Variants in DGKB observed in about 807,000 individuals in gnomAD.
DGKB encodes 90 kDa diacylglycerol kinase.
DGKB carries 67 observed loss-of-function variants against 114.3 expected under a neutral mutation model. The ratio of observed to expected loss-of-function variants is 0.59; its 90% CI spans 0.48 to 0.72. The LOEUF (loss-of-function observed/expected upper bound fraction) is 0.72. Among genes scored for constraint, DGKB ranks in the 30% least tolerant of loss-of-function variants. The pLI, the probability that DGKB is intolerant of heterozygous loss-of-function variation, is 0.00. For missense variants in DGKB, 907 were observed against 975.2 expected, an observed-to-expected ratio of 0.93 and a Z score of 0.93; for synonymous variants, 398 against 323.1, an observed-to-expected ratio of 1.23 and a Z score of -2.49.
intron 2 of DGKB, among the ~76,000 whole-genome samples, chr7:14,811,070 C>G (rs1462954652): frequency 6.6e-6 from 1 of 152,088 alleles, no homozygotes; most frequent in Non-Finnish European, 1.5e-5. Context: ...AGCAGAGCAC[C>G]ATGAGCTTGA....
At chr7:14,581,923 T>C (rs1424832141) in intron 18 of DGKB, among the ~76,000 whole-genome samples, 2 of 152,240 alleles carry the variant, frequency 1.3e-5, no homozygotes, top group Non-Finnish European at 2.9e-5. Flanking sequence ...ATGATTTACA[T>C]TGTTTAATGG....
intron 23 of DGKB, among the ~76,000 whole-genome samples, chr7:14,216,473 C>G (rs957630665): frequency 6.6e-6 from 1 of 151,980 alleles, no homozygotes; most frequent in Non-Finnish European, 1.5e-5. Flanking sequence ...CGCCTGTAAT[C>G]CCAGCACTTT....
Position 14,865,429 on chromosome 7 carries a change from T to C in DGKB, c.-187-23979A>G, listed in dbSNP as rs1851567122. Among the ~76,000 whole-genome samples the C allele has an allele frequency of 2.0e-5, 3 of 152,210 alleles. 1 individual carries two copies. In the South Asian group the frequency reaches 6.2e-4, roughly 32 times the overall value. Reference sequence around the variant, plus strand: ...GTTGGCTGCATCTCATTTATAATTCTAGCTCCTCACCTTATTGGCCATCCC... The same window carrying C: ...GTTGGCTGCATCTCATTTATAATTCCAGCTCCTCACCTTATTGGCCATCCC... On this transcript the variant is annotated intron_variant, in intron 1 of 25. Transcript: ENST00000402815.
chr7:14,751,666 G>A (rs893937061), intron 4 of DGKB, among the ~76,000 whole-genome samples: 1 of 152,186 alleles, frequency 6.6e-6, no homozygotes, highest in African/African-American at 2.4e-5. Context: ...CAGCACTCAG[G>A]ATTGTGGCCA....
intron 5 of DGKB, among the ~76,000 whole-genome samples, chr7:14,722,029 A>G (rs540044812): frequency 7.2e-5 from 11 of 152,268 alleles, no homozygotes; most frequent in Admixed American, 2.0e-4. Flanking sequence ...ATTACCCACT[A>G]CACATGCATA....
intron 13 of DGKB, among the ~76,000 whole-genome samples, chr7:14,649,665 T>C (rs1387478834): frequency 2.0e-5 from 3 of 147,290 alleles, no homozygotes; most frequent in South Asian, 4.3e-4. Context: ...TAAATGTAAA[T>C]GGACAAAATG....
At chr7:14,425,198 A>G (rs1827318040) in intron 21 of DGKB, among the ~76,000 whole-genome samples, 1 of 152,106 alleles carries the variant, frequency 6.6e-6, no homozygotes, top group Non-Finnish European at 1.5e-5. Flanking sequence ...GCTTTGTTCA[A>G]TGTCCATGCT....
chr7:14,186,886 C>A (rs111920518), intron 23 of DGKB, among the ~76,000 whole-genome samples: 1 of 151,806 alleles, frequency 6.6e-6, no homozygotes, highest in African/African-American at 2.4e-5. Context: ...TGGAGAGGGG[C>A]GAGGGATAAA....
chr7:14,616,304 A>G (rs1401173392), intron 15 of DGKB, among the ~76,000 whole-genome samples: 2 of 150,778 alleles, frequency 1.3e-5, no homozygotes, highest in Non-Finnish European at 3.0e-5. Context: ...GTGGAAAAAA[A>G]CTATTATTGG....
intron 23 of DGKB, among the ~76,000 whole-genome samples, chr7:14,244,449 G>C (rs1399940039): frequency 1.3e-5 from 2 of 151,880 alleles, no homozygotes; most frequent in Admixed American, 1.3e-4. Flanking sequence ...AAGGTCAGGA[G>C]ATCAAGATCA....
At position 14,178,050 on chromosome 7, in the gene DGKB, A is replaced by T; in HGVS notation, c.2224T>A (p.Cys742Ser). 6.2e-7 allele frequency: 1 copy of T among 1,600,902 alleles called. No individual in the cohort carries two copies. The highest frequency in any genetic ancestry group is 8.5e-7 in the Non-Finnish European group (1 of 1,175,160). ...LKSAGRRLAQ[C>S]SCVVIRTSKS... ...AACTACCTGATGACCACGCAGGAGC[A>T]CTGAGCCAGCCGCCGGCCAGCACTT... Residue 742 changes from cysteine to serine, a missense_variant, in exon 24 of 26, where the codon TGC becomes AGC. By Grantham distance (112) the Cys-to-Ser change is moderately radical (BLOSUM62 -1). Around this residue, in one of 3 missense-constraint regions of DGKB, gnomAD observed 35 missense variants for 66.0 expected, o/e 0.53. Transcript: ENST00000402815.
At chr7:14,949,460 T>A (rs965310753) in intron 1 of DGKB, among the ~76,000 whole-genome samples, 4 of 151,848 alleles carry the variant, frequency 2.6e-5, no homozygotes, top group African/African-American at 9.7e-5. Context: ...AACATTATAG[T>A]CAAAAAATAA....
At chr7:14,691,237 G>C (rs755314197) in intron 9 of DGKB, among the ~76,000 whole-genome samples, 1 of 152,062 alleles carries the variant, frequency 6.6e-6, no homozygotes, top group Non-Finnish European at 1.5e-5. Flanking sequence ...ATTTGACTAG[G>C]ACACCACAGT....
chr7:14,720,849 T>TAA lies in DGKB; in HGVS notation c.323-2166_323-2165dup, dbSNP rs558389660. Among the ~76,000 whole-genome samples, 182 of 130,104 alleles carry TAA rather than the reference T, an allele frequency of 1.4e-3. 1 individual carries two copies. Among genetic ancestry groups the TAA allele is most frequent in the African/African-American group, 4.7e-3 (166 of 35,260 alleles). The allele number at this position is 130,104 out of a possible 152,430, so 85.4% of individuals were successfully genotyped here. A position where few individuals can be genotyped will look rare whatever the true frequency, so the allele number is the denominator to read the frequency against. On this transcript the variant is annotated intron_variant, in intron 5 of 25. Transcript: ENST00000402815. ...GGGAATTGAAGACAATCCTGAGCTT[T>TAA]AAAAAAAAAAAAAAAAAGACCGGAA...
chr7:14,576,443 A>C (rs1799128726), intron 19 of DGKB, among the ~76,000 whole-genome samples: 1 of 151,856 alleles, frequency 6.6e-6, no homozygotes, highest in African/African-American at 2.4e-5. Flanking sequence ...TTAAGTAAAA[A>C]ACACTTAAAT....
intron 13 of DGKB, among the ~76,000 whole-genome samples, chr7:14,663,854 C>A (rs981636000): frequency 3.3e-5 from 5 of 151,830 alleles, no homozygotes; most frequent in Admixed American, 2.6e-4. Context: ...TAAATGATTG[C>A]CACTTTTGCT....
chr7:14,870,594 G>T (rs1366387450), intron 1 of DGKB, among the ~76,000 whole-genome samples: 1 of 152,112 alleles, frequency 6.6e-6, no homozygotes, highest in East Asian at 1.9e-4. Flanking sequence ...TCAGGCGTTT[G>T]AGATCAGCCT....
chr7:14,610,934 T>G (rs1350084478), intron 16 of DGKB, among the ~76,000 whole-genome samples: 1 of 152,160 alleles, frequency 6.6e-6, no homozygotes, highest in Non-Finnish European at 1.5e-5. Flanking sequence ...GCAAAGTTTA[T>G]GCCAGTGTCC....
At chr7:14,448,535 T>C (rs937878806) in intron 21 of DGKB, among the ~76,000 whole-genome samples, 5 of 152,130 alleles carry the variant, frequency 3.3e-5, no homozygotes, top group Admixed American at 6.6e-5. Context: ...TTCTGAATGC[T>C]GTGTTATGCA....
Sources: gnomAD v4.1 joint callset for allele counts (sites outside exome capture counted in the v4.1 genomes callset) on GRCh38, gnomAD v4.1.1 for gene constraint, gnomAD v4.1.1 regional missense constraint, MANE v1.5 for transcripts, NCBI Gene and HGNC (gene_info 2026-07-23, HGNC 2026-07-21) for gene names.